CPEB3: variants seen among roughly 807,000 people sequenced by gnomAD.
CPEB3 encodes cytoplasmic polyadenylation element-binding protein 3.
CPEB3 carries 20 observed loss-of-function variants against 67.2 expected under a neutral mutation model. That is an observed-to-expected ratio of 0.30 (90% CI 0.21 to 0.43). The LOEUF (loss-of-function observed/expected upper bound fraction) is 0.43, where lower values mean the gene tolerates loss of function less well. Ranked by LOEUF, CPEB3 falls within the 20% of genes least tolerant of loss-of-function variation. The pLI, the probability that CPEB3 is intolerant of heterozygous loss-of-function variation, is 1.00. For synonymous variants in CPEB3, 376 were observed against 393.1 expected, an observed-to-expected ratio of 0.96 and a Z score of 0.51; for missense variants, 746 against 968.6, an observed-to-expected ratio of 0.77 and a Z score of 3.05.
At position 92,048,839 on chromosome 10, in the gene CPEB3, AAAAT is replaced by A. The variant is rs1313804678; in HGVS notation, c.*3369_*3372del. 2.6e-5 allele frequency: 4 copies of A among 152,676 alleles called. No individual in the cohort carries two copies. Among genetic ancestry groups the A allele is most frequent in the Non-Finnish European group, 5.9e-5 (4 of 68,046 alleles). 9.5% of individuals were successfully genotyped at this position (152,676 alleles called of 1,614,324 possible). On this transcript the variant is annotated 3_prime_UTR_variant, in exon 10 of 10. Coordinates refer to ENST00000265997, the MANE Select transcript of CPEB3 (RefSeq NM_014912.5). The surrounding 1 kb of genome is among the most constrained non-coding windows in gnomAD (Gnocchi z 4.1). ...GCTTCAAAAATAACTGAAAATGAAA[AAAAT>A]AAACTTTTAAAGAATTAGCATCATA...
chr10:92,217,039 TAAA>T (rs756509254), intron 2 of CPEB3, among the ~76,000 whole-genome samples: 3 of 104,538 alleles, frequency 2.9e-5, no homozygotes, highest in Admixed American at 9.9e-5. Context: ...ATGCTAAGAC[TAAA>T]AAAAAAAAAA....
intron 1 of CPEB3, among the ~76,000 whole-genome samples, chr10:92,263,649 A>G (rs1852909522): frequency 6.6e-6 from 1 of 152,136 alleles, no homozygotes; most frequent in Non-Finnish European, 1.5e-5. Flanking sequence ...GAAGCAAAAT[A>G]TACAGTGGGA....
intron 9 of CPEB3, among the ~76,000 whole-genome samples, chr10:92,078,690 T>C (rs1843026574): frequency 6.6e-6 from 1 of 152,188 alleles, no homozygotes; most frequent in Admixed American, 6.5e-5. Flanking sequence ...CTGAGAAGTC[T>C]GATGTTCCAA....
At chr10:92,132,657 C>G (rs1845899008) in intron 6 of CPEB3, among the ~76,000 whole-genome samples, 1 of 152,098 alleles carries the variant, frequency 6.6e-6, no homozygotes, top group Non-Finnish European at 1.5e-5. Flanking sequence ...CGGCTCTGCA[C>G]CAAGCAGAAC....
chr10:92,217,084 T>C (rs980710240), intron 2 of CPEB3, among the ~76,000 whole-genome samples: 1 of 145,644 alleles, frequency 6.9e-6, no homozygotes, highest in African/African-American at 2.5e-5. Context: ...GGTATGCGCC[T>C]GTAGTCCGAG....
At chr10:92,183,387 A>C (rs1463435314) in intron 3 of CPEB3, among the ~76,000 whole-genome samples, 1 of 152,114 alleles carries the variant, frequency 6.6e-6, no homozygotes, top group African/African-American at 2.4e-5. Flanking sequence ...ATCTCCTACC[A>C]CCACCTTGAT....
intron 4 of CPEB3, among the ~76,000 whole-genome samples, chr10:92,146,665 T>C (rs544026250): frequency 6.6e-6 from 1 of 152,350 alleles, no homozygotes; most frequent in African/African-American, 2.4e-5. Flanking sequence ...ACTGTTTTAA[T>C]GCTAGGAGTT....
At chr10:92,088,542 A>G (rs1191619570) in intron 8 of CPEB3, among the ~76,000 whole-genome samples, 1 of 152,086 alleles carries the variant, frequency 6.6e-6, no homozygotes, top group Non-Finnish European at 1.5e-5. Context: ...AGGTGTTTGT[A>G]TATTTCTGTT....
chr10:92,232,053 ATT>A (rs759526286), intron 2 of CPEB3, among the ~76,000 whole-genome samples: 43 of 131,446 alleles, frequency 3.3e-4, no homozygotes, highest in Admixed American at 1.7e-3. Flanking sequence ...ACAAAGCATA[ATT>A]TTTTTTTTTT....
intron 7 of CPEB3, among the ~76,000 whole-genome samples, chr10:92,100,523 A>G (rs1042094008): frequency 6.6e-6 from 1 of 151,854 alleles, no homozygotes; most frequent in Non-Finnish European, 1.5e-5. Flanking sequence ...TGATCCGCCC[A>G]CCTCAGCCTC....
At chr10:92,184,944 A>G (rs1435156918) in intron 3 of CPEB3, among the ~76,000 whole-genome samples, 1 of 152,182 alleles carries the variant, frequency 6.6e-6, no homozygotes, top group Non-Finnish European at 1.5e-5. Context: ...TTATTTCATA[A>G]TTTTTTAACT....
In CPEB3 at chr10:92,097,784, G is replaced by A. The variant is rs116977238; in HGVS notation, c.1573-5840C>T. Among the ~76,000 whole-genome samples the A allele has an allele frequency of 5.1e-3, 783 of 152,132 alleles. 3 individuals carry two copies. The highest frequency in any genetic ancestry group is 7.2e-3 in the Non-Finnish European group (492 of 68,000). The stretch of plus-strand genomic sequence containing the variant: ...TGGTCTGCCAGATAAGCAGTGTTGG[G>A]GAAAAACTATAGATTATCTTCTCCT... On this transcript the variant is annotated intron_variant, in intron 7 of 9. Coordinates refer to ENST00000265997, the MANE Select transcript of CPEB3 (RefSeq NM_014912.5).
chr10:92,270,766 C>T (rs1469250453), intron 1 of CPEB3, among the ~76,000 whole-genome samples: 4 of 151,032 alleles, frequency 2.6e-5, no homozygotes, highest in African/African-American at 4.9e-5. Flanking sequence ...GATGGGGTTT[C>T]GCCAGGTTGC....
At chr10:92,118,851 C>A in intron 6 of CPEB3, 1 of 786,960 alleles carries the variant, frequency 1.3e-6, no homozygotes, top group Non-Finnish European at 2.3e-6. Flanking sequence ...CTTCCCATGG[C>A]AATGGCCATC....
In CPEB3 at chr10:92,050,663, A is replaced by C. The variant is rs893586925; in HGVS notation, c.*1549T>G. The C allele has an allele frequency of 1.3e-5, 2 of 152,378 alleles. No homozygotes were observed. 9.4% of individuals were successfully genotyped at this position (152,378 alleles called of 1,614,324 possible). A position where few individuals can be genotyped will look rare whatever the true frequency, so the allele number is the denominator to read the frequency against. On this transcript the variant is annotated 3_prime_UTR_variant, in exon 10 of 10. Coordinates refer to ENST00000265997, the MANE Select transcript of CPEB3 (RefSeq NM_014912.5). ...CTTAACAGGATAAATCCAGGGAATT[A>C]AGTAGTTAGTTTCTCACTCAGACAA...
intron 1 of CPEB3, among the ~76,000 whole-genome samples, chr10:92,273,239 G>A (rs142865148): frequency 4.6e-5 from 7 of 151,846 alleles, no homozygotes; most frequent in African/African-American, 7.2e-5. Context: ...TCCATATATT[G>A]TAAATATGTG....
intron 4 of CPEB3, among the ~76,000 whole-genome samples, chr10:92,174,181 C>A (rs1197164451): frequency 6.6e-6 from 1 of 152,212 alleles, no homozygotes; most frequent in East Asian, 1.9e-4. Flanking sequence ...GTGCTCAGCT[C>A]CCTCTCTGCC....
In CPEB3 at chr10:92,263,537, G is replaced by T. The variant is rs910797944; in HGVS notation, c.-11-23176C>A. 3.9e-5 allele frequency among the ~76,000 whole-genome samples: 6 copies of T among 152,284 alleles called. No individual in the cohort carries two copies. In the East Asian group the frequency reaches 5.8e-4, roughly 15 times the overall value. On this transcript the variant is annotated intron_variant, in intron 1 of 9. Transcript: ENST00000265997. Reference sequence around the variant, plus strand: ...CTCTCCTTCCCACTTAATATCAGGAGTCAAATTAGTTGTGTTAAGCCCATG... The same window carrying T: ...CTCTCCTTCCCACTTAATATCAGGATTCAAATTAGTTGTGTTAAGCCCATG...
rs1851736918 is a variant in CPEB3 at position 92,239,793 on chromosome 10, GGGCTGCGCCTGTGGT to G, written c.543_557del (p.Ala184_Gln188del). On this transcript the variant is annotated inframe_deletion, in exon 2 of 10. Coordinates refer to ENST00000265997, the MANE Select transcript of CPEB3 (RefSeq NM_014912.5). The surrounding 1 kb of genome is among the most constrained non-coding windows in gnomAD (Gnocchi z 6.0). ...TGGCGGGTGAGCGGCGCTGCTGCGGGGGCTGCGCCTGTGGTGGCTGCGCTGGCTGTGCCGGCTGCG... is the reference window on the plus strand; with the variant it reads ...TGGCGGGTGAGCGGCGCTGCTGCGGGGGCTGCGCTGGCTGTGCCGGCTGCG... 6 of 1,409,940 alleles carry G rather than the reference GGGCTGCGCCTGTGGT, an allele frequency of 4.3e-6. No homozygotes were observed. The highest frequency in any genetic ancestry group is 5.5e-6 in the Non-Finnish European group (6 of 1,088,660). 87.3% of individuals were successfully genotyped at this position (1,409,940 alleles called of 1,614,324 possible).
Sources: allele counts gnomAD v4.1 joint callset (sites outside exome capture counted in the v4.1 genomes callset), GRCh38; gene constraint gnomAD v4.1.1; non-coding constraint Gnocchi (gnomAD v3.1); transcripts MANE v1.5; gene names NCBI Gene and HGNC (gene_info 2026-07-23, HGNC 2026-07-21).